Variants in OVCH1 observed in about 807,000 individuals in gnomAD.
OVCH1 encodes ovochymase 1, also known as ovochymase-1.
Under a neutral mutation model 138.4 loss-of-function variants are expected in OVCH1, and 139 were observed. The ratio of observed to expected loss-of-function variants is 1.00; its 90% confidence interval spans 0.87 to 1.16. The LOEUF is 1.16. Ranked by LOEUF, OVCH1 falls within the 50% of genes most tolerant of loss-of-function variation. OVCH1 has a pLI of 0.00. For missense variants in OVCH1, 1,367 were observed against 1,357.9 expected, an observed-to-expected ratio of 1.01 and a Z score of -0.11; for synonymous variants, 453 against 467.8, an observed-to-expected ratio of 0.97 and a Z score of 0.41.
chr12:29,464,855 G>C (rs1357302121), intron 17 of OVCH1, 153 bp from the exon 18 acceptor site: 2 of 740,594 alleles, frequency 2.7e-6, no homozygotes, highest in Non-Finnish European at 4.3e-6. Flanking sequence ...AGCAATATTG[G>C]TTTACAATTT....
chr12:29,444,173 G>A (rs1941556387), exon 24 of OVCH1: 12 of 1,608,270 alleles, frequency 7.5e-6, no homozygotes, highest in Non-Finnish European at 9.3e-6. Context: ...GAATTTCTTG[G>A]GATCTGCATG....
intron 27 of OVCH1, among the ~76,000 whole-genome samples, chr12:29,430,554 G>A (rs1193421085): frequency 6.6e-6 from 1 of 152,154 alleles, no homozygotes; most frequent in African/African-American, 2.4e-5. Flanking sequence ...GATTATGACT[G>A]TCTCTGCTGT....
chr12:29,477,247 G>A lies in OVCH1; in HGVS notation c.1247-15C>T. The A allele has an allele frequency of 6.2e-7, 1 of 1,613,212 alleles. No individual in the cohort carries two copies. The highest frequency in any genetic ancestry group is 1.7e-5 in the Admixed American group (1 of 59,940). ...ACAACCTGACCCTGTGGAAGCATTG[G>A]GGAAATTCAAAGTGAATGGCCAAAG... On this transcript the variant is annotated splice_polypyrimidine_tract_variant and intron_variant, in intron 11 of 27. Transcript: ENST00000318184.
At chr12:29,458,267 G>C (rs1421205347) in intron 19 of OVCH1, among the ~76,000 whole-genome samples, 2 of 151,714 alleles carry the variant, frequency 1.3e-5, no homozygotes, top group Non-Finnish European at 2.9e-5. Flanking sequence ...AACCAAAACA[G>C]CACAGTACTG....
At chr12:29,476,209 A>C in exon 13 of OVCH1, 2 of 1,610,240 alleles carry the variant, frequency 1.2e-6, no homozygotes. Flanking sequence ...TACCTACCTA[A>C]CTTGTGCTTT....
intron 21 of OVCH1, among the ~76,000 whole-genome samples, chr12:29,453,592 CA>C (rs1260479452): frequency 5.3e-5 from 8 of 152,136 alleles, no homozygotes; most frequent in Non-Finnish European, 8.8e-5. Flanking sequence ...ATACTCCTTC[CA>C]CCTTTTGGGA....
intron 4 of OVCH1, 83 bp from the exon 5 acceptor site, chr12:29,491,275 ATGG>A: frequency 7.6e-6 from 9 of 1,176,900 alleles, no homozygotes; most frequent in South Asian, 1.4e-5. Context: ...TCTTGATTTC[ATGG>A]CTTCTACACT....
intron 5 of OVCH1, among the ~76,000 whole-genome samples, chr12:29,490,275 G>T (rs923110840): frequency 3.3e-5 from 5 of 151,558 alleles, no homozygotes; most frequent in African/African-American, 1.2e-4. Flanking sequence ...TGGAGACAAG[G>T]TCTTCCTATG....
intron 18 of OVCH1, among the ~76,000 whole-genome samples, chr12:29,462,727 C>T (rs369136080): frequency 3.3e-5 from 5 of 152,118 alleles, no homozygotes; most frequent in Admixed American, 1.3e-4. Context: ...CCTAATAATA[C>T]AACAACATTT....
chr12:29,454,679 A>G (rs1015537649), intron 21 of OVCH1, among the ~76,000 whole-genome samples, 162 bp downstream of exon 21: 3 of 152,186 alleles, frequency 2.0e-5, no homozygotes, highest in African/African-American at 7.2e-5. Flanking sequence ...GATCTCCAAC[A>G]ATCTTAATAA....
At chr12:29,467,435 T>G (rs1942359105) in intron 16 of OVCH1, among the ~76,000 whole-genome samples, 1 of 152,136 alleles carries the variant, frequency 6.6e-6, no homozygotes, top group Admixed American at 6.6e-5. Context: ...TTTCCAATAG[T>G]AGGAACATAG....
chr12:29,419,454 ATT>A (rs5797322), intron 3 of OVCH1, among the ~76,000 whole-genome samples: 545 of 146,002 alleles, frequency 3.7e-3, no homozygotes, highest in African/African-American at 5.7e-3. Context: ...TGCCCGGCTA[ATT>A]TTTTTTTTTT....
At chr12:29,402,882 A>G in the OVCH1 span, among the ~76,000 whole-genome samples, 1 of 152,036 alleles carries the variant, frequency 6.6e-6, no homozygotes. Flanking sequence ...GAGAGTGAGA[A>G]AAGAGGGAAG....
At chr12:29,414,020 CTTTTTT>C (rs74937229) in intron 3 of OVCH1, among the ~76,000 whole-genome samples, 1 of 38,534 alleles carries the variant, frequency 2.6e-5, no homozygotes, top group Admixed American at 4.3e-4. Flanking sequence ...CTCTCTCTCT[CTTTTTT>C]TTTTTTTTTT....
chr12:29,439,562 G>A (rs1306341788), intron 25 of OVCH1: 1 of 1,183,836 alleles, frequency 8.4e-7, no homozygotes, highest in Non-Finnish European at 1.1e-6. Flanking sequence ...GCTACTCTCG[G>A]TACTTTACCT....
intron 25 of OVCH1, among the ~76,000 whole-genome samples, chr12:29,441,189 T>G (rs1941475953): frequency 6.6e-6 from 1 of 152,184 alleles, no homozygotes; most frequent in Non-Finnish European, 1.5e-5. Flanking sequence ...AGAACAAAGC[T>G]GGAGGCATCA....
intron 26 of OVCH1, among the ~76,000 whole-genome samples, chr12:29,434,326 G>GT (rs1334103618): frequency 6.6e-6 from 1 of 152,066 alleles, no homozygotes; most frequent in Non-Finnish European, 1.5e-5. Flanking sequence ...ATGCTTAGGT[G>GT]TTAAAAAAAA....
chr12:29,488,436 G>A (rs1943175662), intron 6 of OVCH1, among the ~76,000 whole-genome samples: 1 of 151,878 alleles, frequency 6.6e-6, no homozygotes, highest in Admixed American at 6.6e-5. Flanking sequence ...GACCAACATG[G>A]TGAAACCCTG....
chr12:29,461,764 G>C (rs1345206153), intron 19 of OVCH1, 90 bp downstream of exon 19: 19 of 1,501,752 alleles, frequency 1.3e-5, no homozygotes, highest in Non-Finnish European at 1.8e-5. Context: ...TGACAAGTTG[G>C]TGATTTCAGC....
Sources: allele counts gnomAD v4.1 joint callset (sites outside exome capture counted in the v4.1 genomes callset), GRCh38; gene constraint gnomAD v4.1.1; transcripts MANE v1.5; gene names NCBI Gene and HGNC (gene_info 2026-07-23, HGNC 2026-07-21).